The following SPRY3 variants were observed in gnomAD, a reference collection of about 807,000 sequenced individuals.
SPRY3 encodes protein sprouty homolog 3.
SPRY3 carries 15 observed loss-of-function variants against 20.2 expected under a neutral mutation model. The observed-to-expected ratio is 0.74, with a 90% CI of 0.50 to 1.14. SPRY3 has a LOEUF of 1.14. SPRY3 is among the 50% of genes most tolerant of loss of function. SPRY3 has a pLI of 0.00. For missense variants in SPRY3, 364 were observed against 363.9 expected (o/e 1.00, Z 0.00); for synonymous variants, 143 against 136.5 (o/e 1.05, Z -0.33).
chrX:155,725,304 C>T (rs1395348377), intron 2 of SPRY3, among the ~76,000 whole-genome samples: 1 of 152,120 alleles, frequency 6.6e-6, no homozygotes, highest in African/African-American at 2.4e-5. Context: ...CTCTGCCAGG[C>T]TTTGGTATCA....
chrX:155,736,025 A>G (rs1399388703), intron 2 of SPRY3, among the ~76,000 whole-genome samples: 2 of 151,848 alleles, frequency 1.3e-5, no homozygotes, highest in African/African-American at 4.8e-5. Context: ...ATATGCATTT[A>G]CAACTAATCT....
At chrX:155,681,425 AG>A (rs2068073871) in intron 2 of SPRY3, among the ~76,000 whole-genome samples, 1 of 111,977 alleles carries the variant, frequency 8.9e-6, no homozygotes, top group African/African-American at 3.3e-5. Context: ...GCCCAGTCTC[AG>A]GTATGCCTTT....
chrX:155,696,509 C>G (rs906198157), intron 2 of SPRY3, among the ~76,000 whole-genome samples: 3 of 111,494 alleles, frequency 2.7e-5, no homozygotes, highest in Admixed American at 1.9e-4. Flanking sequence ...CATTTTTCTC[C>G]TTTCATTTGC....
At chrX:155,620,134 A>G (rs2067866382) in intron 1 of SPRY3, among the ~76,000 whole-genome samples, 1 of 111,818 alleles carries the variant, frequency 8.9e-6, no homozygotes, top group Admixed American at 9.5e-5. Context: ...GCAGATTCTT[A>G]TAAAGTTAAA....
At chrX:155,765,458 A>G (rs2091321886) in intron 2 of SPRY3, among the ~76,000 whole-genome samples, 1 of 152,216 alleles carries the variant, frequency 6.6e-6, no homozygotes, top group Admixed American at 6.5e-5. Context: ...AGGTTAAAAC[A>G]TGTAAAATTC....
At chrX:155,773,875 G>T (rs1189023191) in exon 4 of SPRY3, 1 of 1,612,400 alleles carries the variant, frequency 6.2e-7, no homozygotes, top group African/African-American at 1.3e-5. Flanking sequence ...AGGCAAAATG[G>T]ATGCTGCGGT....
At chrX:155,737,565 G>A (rs1488628722) in intron 2 of SPRY3, among the ~76,000 whole-genome samples, 1 of 152,142 alleles carries the variant, frequency 6.6e-6, no homozygotes. Context: ...TGATCAAGGT[G>A]AGACCTAAAG....
chrX:155,725,535 G>A (rs1181142925), intron 2 of SPRY3, among the ~76,000 whole-genome samples: 3 of 152,070 alleles, frequency 2.0e-5, no homozygotes, highest in Non-Finnish European at 4.4e-5. Context: ...ACTTCTTCCT[G>A]ATTTAGTCTT....
intron 2 of SPRY3, among the ~76,000 whole-genome samples, chrX:155,756,175 T>C (rs1340034984): frequency 6.6e-6 from 1 of 152,104 alleles, no homozygotes; most frequent in Non-Finnish European, 1.5e-5. Context: ...GCCTCCCTTA[T>C]AGAGGAGAGT....
At chrX:155,694,303 G>C (rs974511521) in intron 2 of SPRY3, among the ~76,000 whole-genome samples, 1 of 111,131 alleles carries the variant, frequency 9.0e-6, no homozygotes, top group East Asian at 2.8e-4. Context: ...GTGTGTGTAC[G>C]TGTTTGTGAT....
chrX:155,717,170 A>G (rs1179174181), intron 2 of SPRY3, among the ~76,000 whole-genome samples: 1 of 148,516 alleles, frequency 6.7e-6, no homozygotes, highest in Non-Finnish European at 1.5e-5. Flanking sequence ...AAAAAAAAAG[A>G]TATCATCAAC....
intron 2 of SPRY3, among the ~76,000 whole-genome samples, chrX:155,720,177 G>A (rs2091047566): frequency 6.6e-6 from 1 of 152,198 alleles, no homozygotes; most frequent in Non-Finnish European, 1.5e-5. Context: ...TCATGGGCCT[G>A]TGATCGTGTT....
chrX:155,776,790 T>C (rs2091429601), exon 4 of SPRY3: 1 of 167,070 alleles, frequency 6.0e-6, no homozygotes, highest in Admixed American at 6.5e-5. Flanking sequence ...TGGATACATA[T>C]TACAGAAATA....
intron 2 of SPRY3, among the ~76,000 whole-genome samples, chrX:155,755,667 T>C (rs1489039950): frequency 6.6e-6 from 1 of 152,098 alleles, no homozygotes. Context: ...TGTCAACCAG[T>C]TGGCATATAA....
chrX:155,674,027 G>C (rs1331570070), intron 2 of SPRY3, among the ~76,000 whole-genome samples: 1 of 111,861 alleles, frequency 8.9e-6, no homozygotes, highest in Non-Finnish European at 1.9e-5. Context: ...CTAATTCCTA[G>C]TGACAACTCT....
At chrX:155,738,977 A>C (rs1324812452) in intron 2 of SPRY3, among the ~76,000 whole-genome samples, 1 of 152,174 alleles carries the variant, frequency 6.6e-6, no homozygotes, top group African/African-American at 2.4e-5. Context: ...CTGGGTTAGA[A>C]TTCCAGCTGG....
At chrX:155,769,642 A>G in intron 3 of SPRY3, among the ~76,000 whole-genome samples, 1 of 152,346 alleles carries the variant, frequency 6.6e-6, no homozygotes, top group Middle Eastern at 3.4e-3. Context: ...TTTTCCCTGT[A>G]TCATTCATCA....
At chrX:155,761,304 C>T (rs1200176949) in intron 2 of SPRY3, among the ~76,000 whole-genome samples, 1 of 152,150 alleles carries the variant, frequency 6.6e-6, no homozygotes, top group African/African-American at 2.4e-5. Flanking sequence ...CTAACATCTG[C>T]TTACTCCTTC....
intron 2 of SPRY3, among the ~76,000 whole-genome samples, chrX:155,674,683 G>C (rs917861494): frequency 4.5e-5 from 5 of 110,938 alleles, no homozygotes; most frequent in African/African-American, 1.6e-4. Context: ...GTTGACTCAA[G>C]CTTGCTGTCA....
Sources: allele counts gnomAD v4.1 joint callset (sites outside exome capture counted in the v4.1 genomes callset), GRCh38; gene constraint gnomAD v4.1.1; transcripts MANE v1.5; gene names NCBI Gene and HGNC (gene_info 2026-07-23, HGNC 2026-07-21).